Variants in SLC30A9 observed in about 807,000 individuals in gnomAD.
The protein encoded by SLC30A9 is proton-coupled zinc antiporter SLC30A9, mitochondrial.
SLC30A9 carries 58 observed loss-of-function variants against 87.5 expected under a neutral mutation model. The observed-to-expected ratio is 0.66, with a 90% CI of 0.54 to 0.82. The LOEUF is 0.82. SLC30A9 is among the 40% of genes least tolerant of loss of function. The pLI, the probability that SLC30A9 is intolerant of heterozygous loss-of-function variation, is 0.00. For missense variants in SLC30A9, 557 were observed against 679.1 expected (o/e 0.82, Z 2.00); for synonymous variants, 234 against 233.0 (o/e 1.00, Z -0.04).
rs768044863 is a variant in SLC30A9 at position 42,078,368 on chromosome 4, A to AT, written c.1662+50dup. 6.6e-6 allele frequency: 7 copies of AT among 1,061,248 alleles called. No individual in the cohort carries two copies. The Admixed American group carries it at 1.0e-4, about 15-fold the overall frequency. 65.7% of individuals were successfully genotyped at this position (1,061,248 alleles called of 1,614,324 possible). A position where few individuals can be genotyped will look rare whatever the true frequency, so the allele number is the denominator to read the frequency against. ...AAATAACATAATGATAATGGCAGCT[A>AT]TTTTTTTGAGTACTTACTCTACAGC... On this transcript the variant is annotated intron_variant, in intron 17 of 17. Transcript: ENST00000264451.
chr4:42,060,087 G>C (rs1293912454), intron 9 of SLC30A9, 104 bp from the exon 10 acceptor site: 11 of 824,206 alleles, frequency 1.3e-5, no homozygotes, highest in Non-Finnish European at 2.3e-5. Flanking sequence ...CATATGTTGA[G>C]TGTTTCTTTG....
chr4:42,033,657 C>T (rs185482531), intron 6 of SLC30A9, among the ~76,000 whole-genome samples: 5 of 152,060 alleles, frequency 3.3e-5, no homozygotes, highest in Non-Finnish European at 7.3e-5. Context: ...CTCACTGCAA[C>T]CTCCGCCTCC....
intron 8 of SLC30A9, 24 bp from the exon 9 acceptor site, chr4:42,049,353 A>T: frequency 1.3e-6 from 2 of 1,509,216 alleles, no homozygotes; most frequent in Non-Finnish European, 1.8e-6. Context: ...ACCTATGCTA[A>T]ATTGTTTTCT....
chr4:41,991,158 T>C (rs1193479512), intron 1 of SLC30A9, among the ~76,000 whole-genome samples: 1 of 152,272 alleles, frequency 6.6e-6, no homozygotes. Context: ...ATTTAGCACT[T>C]GGTTGAGATT....
At chr4:42,076,653 A>AT (rs1718561128) in intron 16 of SLC30A9, among the ~76,000 whole-genome samples, 1 of 152,090 alleles carries the variant, frequency 6.6e-6, no homozygotes, top group Admixed American at 6.6e-5. Context: ...GTTGATGGAC[A>AT]TTTATATTAC....
intron 1 of SLC30A9, among the ~76,000 whole-genome samples, chr4:41,995,350 A>G (rs1714652980): frequency 6.6e-6 from 1 of 152,176 alleles, no homozygotes; most frequent in Admixed American, 6.5e-5. Context: ...TTAAGTATAA[A>G]ATGAAGCTAA....
rs1041828435 is a variant in SLC30A9, at chr4:42,002,774, C to A, written c.274+994C>A. ...GTCTTTTTGGTAGAATAATTTATTT[C>A]TTTTTGATATACACTCCCTGATGGG... On this transcript the variant is annotated intron_variant, in intron 2 of 17. Coordinates refer to ENST00000264451, the MANE Select transcript of SLC30A9 (RefSeq NM_006345.4). Among the ~76,000 whole-genome samples, 8 of 151,930 alleles carry A rather than the reference C, an allele frequency of 5.3e-5. 1 individual carries two copies. Among genetic ancestry groups the A allele is most frequent in the African/African-American group, 1.4e-4 (6 of 41,404 alleles).
chr4:42,045,706 TC>T (rs1384677317), intron 8 of SLC30A9, among the ~76,000 whole-genome samples: 3 of 152,048 alleles, frequency 2.0e-5, no homozygotes, highest in Admixed American at 2.0e-4. Context: ...GAAGGACTCC[TC>T]CTCAACTCGT....
chr4:42,031,428 G>A (rs1195290860), intron 6 of SLC30A9, among the ~76,000 whole-genome samples: 1 of 152,186 alleles, frequency 6.6e-6, no homozygotes, highest in Non-Finnish European at 1.5e-5. Context: ...ACTTCAATTG[G>A]AAGTGATTAG....
At chr4:42,076,839 G>A (rs376341385) in intron 16 of SLC30A9, among the ~76,000 whole-genome samples, 1 of 151,954 alleles carries the variant, frequency 6.6e-6, no homozygotes, top group Admixed American at 6.6e-5. Context: ...GTGCGTGCCT[G>A]TAGTCCCAGC....
At chr4:42,079,142 C>T (rs551407463) in intron 17 of SLC30A9, among the ~76,000 whole-genome samples, 16 of 152,004 alleles carry the variant, frequency 1.1e-4, no homozygotes, top group Middle Eastern at 3.4e-3. Context: ...GGTCTTAAGA[C>T]GCTTTCATTC....
At chr4:42,046,864 T>C (rs1717180398) in intron 8 of SLC30A9, among the ~76,000 whole-genome samples, 2 of 152,316 alleles carry the variant, frequency 1.3e-5, no homozygotes, top group Admixed American at 1.3e-4. Flanking sequence ...CAAAACAGCA[T>C]GGTACTGGTA....
At chr4:42,072,790 C>T (rs944594823) in intron 15 of SLC30A9, among the ~76,000 whole-genome samples, 8 of 141,016 alleles carry the variant, frequency 5.7e-5, no homozygotes, top group African/African-American at 2.1e-4. Flanking sequence ...CCCTAATTAT[C>T]TTCTTGCTCT....
chr4:42,064,380 C>A (rs1717999400), intron 11 of SLC30A9, among the ~76,000 whole-genome samples: 1 of 152,206 alleles, frequency 6.6e-6, no homozygotes, highest in Non-Finnish European at 1.5e-5. Flanking sequence ...CAGAACTAGA[C>A]AGAATCAATC....
intron 8 of SLC30A9, among the ~76,000 whole-genome samples, chr4:42,041,594 G>A (rs1045299492): frequency 1.3e-5 from 2 of 152,100 alleles, no homozygotes; most frequent in African/African-American, 4.8e-5. Context: ...TAATTAGCTG[G>A]GCATGGTGGG....
chr4:42,043,040 A>G (rs1716987795), intron 8 of SLC30A9, among the ~76,000 whole-genome samples: 2 of 152,200 alleles, frequency 1.3e-5, no homozygotes, highest in African/African-American at 2.4e-5. Context: ...AACATCAACA[A>G]AAAGGATGTC....
intron 9 of SLC30A9, among the ~76,000 whole-genome samples, chr4:42,053,211 A>G (rs972928860): frequency 6.6e-6 from 1 of 152,206 alleles, no homozygotes; most frequent in African/African-American, 2.4e-5. Flanking sequence ...CCTGACAGCC[A>G]AATGTTGGTG....
chr4:41,992,893 T>A (rs1055539465), intron 1 of SLC30A9, among the ~76,000 whole-genome samples: 4 of 152,222 alleles, frequency 2.6e-5, no homozygotes, highest in Admixed American at 2.6e-4. Context: ...CTAAAAACAG[T>A]TGTTTTTATT....
Position 42,051,542 on chromosome 4 carries a change from TAAATC to T in SLC30A9, c.840+2067_840+2071del, listed in dbSNP as rs555136957. 4.2e-3 allele frequency among the ~76,000 whole-genome samples: 636 copies of T among 152,118 alleles called. 5 individuals carry two copies. Among genetic ancestry groups the T allele is most frequent in the African/African-American group, 0.014 (591 of 41,500 alleles). On this transcript the variant is annotated intron_variant, in intron 9 of 17. Transcript: ENST00000264451. ...AAAGGAAAATATGAACATAAGAAGATAAATCAAAGGTATAAAAAATAAACCAAATG... is the reference window on the plus strand; with the variant it reads ...AAAGGAAAATATGAACATAAGAAGATAAAGGTATAAAAAATAAACCAAATG...
Sources: gnomAD v4.1 joint callset for allele counts (sites outside exome capture counted in the v4.1 genomes callset) on GRCh38, gnomAD v4.1.1 for gene constraint, MANE v1.5 for transcripts, NCBI Gene and HGNC (gene_info 2026-07-23, HGNC 2026-07-21) for gene names.